Variants in NRN1 observed in about 807,000 individuals in gnomAD.
The protein encoded by NRN1 is neuritin 1, also known as neuritin.
In NRN1, 4 loss-of-function variants were observed where a neutral mutation model predicts 15.0. The observed-to-expected ratio is 0.27, with a 90% CI of 0.13 to 0.61. The LOEUF is 0.61. Among genes scored for constraint, NRN1 ranks in the 20% least tolerant of loss-of-function variants. The pLI is 0.87. For synonymous variants in NRN1, 85 were observed against 79.8 expected (o/e 1.07, Z -0.35); for missense variants, 134 against 181.9 (o/e 0.74, Z 1.51).
chr6:6,000,748 TATGTAC>T (rs1757922753), intron 2 of NRN1, among the ~76,000 whole-genome samples: 1 of 99,102 alleles, frequency 1.0e-5, no homozygotes, highest in Admixed American at 1.1e-4. Context: ...TTTTTTTTTT[TATGTAC>T]GCCCAGATGA....
intron 1 of NRN1, chr6:6,003,320 G>T: frequency 8.8e-7 from 1 of 1,141,332 alleles, no homozygotes; most frequent in Non-Finnish European, 1.1e-6. Flanking sequence ...GGATGAGTCT[G>T]CCTGGGTCAC....
At chr6:6,005,838 G>T (rs572722477) in intron 1 of NRN1, among the ~76,000 whole-genome samples, 1 of 152,226 alleles carries the variant, frequency 6.6e-6, no homozygotes, top group Non-Finnish European at 1.5e-5. Flanking sequence ...CATTCTGGAT[G>T]GTAAAAATGT....
Position 6,002,370 on chromosome 6 carries a change from G to A in NRN1, c.183C>T (p.Asn61=), listed in dbSNP as rs1757974563. ...ACACTTACGTGCACACGGTCTTGAT[G>A]TTCGTCTTGTCGTCCAGGCCCTGCG... is the stretch of plus-strand genomic sequence containing the variant. The part of the protein sequence containing the change: ...NYPQGLDDKT[N]IKTVCTYWED... The change falls in exon 2 of 3, where the codon AAC becomes AAT. Residue 61 remains asparagine (N), a synonymous_variant. Transcript: ENST00000244766. 1.9e-6 allele frequency: 3 copies of A among 1,614,124 alleles called. No individual in the cohort carries two copies. The highest frequency in any genetic ancestry group is 1.3e-5 in the African/African-American group (1 of 74,948).
At chr6:6,002,678 C>T in intron 1 of NRN1, 181 bp from the exon 2 acceptor site, 1 of 758,700 alleles carries the variant, frequency 1.3e-6, no homozygotes. Flanking sequence ...GAATGCCCGA[C>T]CTGCAGCTAA....
At chr6:6,005,594 A>G (rs1758087545) in intron 1 of NRN1, among the ~76,000 whole-genome samples, 1 of 152,188 alleles carries the variant, frequency 6.6e-6, no homozygotes, top group Non-Finnish European at 1.5e-5. Context: ...TCTTGCCCCA[A>G]ACCAATTACC....
chr6:5,999,274 C>T (rs1369250265), intron 2 of NRN1, 70 bp from the exon 3 acceptor site: 1 of 1,368,278 alleles, frequency 7.3e-7, no homozygotes. Flanking sequence ...CGGGCTTGCG[C>T]CCCTGCGCCT....
chr6:6,003,718 C>T, intron 1 of NRN1: 1 of 1,234,306 alleles, frequency 8.1e-7, no homozygotes, highest in Non-Finnish European at 1.0e-6. Context: ...TGCGGGCGCG[C>T]GGCTGTGGCC....
chr6:6,000,754 C>CTTTT (rs1561902807), intron 2 of NRN1, among the ~76,000 whole-genome samples: 6 of 83,730 alleles, frequency 7.2e-5, no homozygotes, highest in East Asian at 3.0e-4. Flanking sequence ...TTTTTATGTA[C>CTTTT]GCCCAGATGA....
At position 6,006,880 on chromosome 6, in the gene NRN1, C is replaced by T. The variant is rs973117275; in HGVS notation, c.-131G>A. ...ACAGAGACTTTATGCACTGGGAAGGCAGAGGGAGGAGAGAAAGAGAGGGAG... is the reference window on the plus strand; with the variant it reads ...ACAGAGACTTTATGCACTGGGAAGGTAGAGGGAGGAGAGAAAGAGAGGGAG... On this transcript the variant is annotated 5_prime_UTR_variant, in exon 1 of 3. Transcript: ENST00000244766. 5 of 623,124 alleles carry T rather than the reference C, an allele frequency of 8.0e-6. No individual in the cohort carries two copies. Among genetic ancestry groups the T allele is most frequent in the South Asian group, 6.4e-5 (4 of 62,034 alleles). 38.6% of individuals were successfully genotyped at this position (623,124 alleles called of 1,614,324 possible).
chr6:5,999,033 C>T lies in NRN1; in HGVS notation c.372G>A (p.Ala124=). 6.2e-7 allele frequency: 1 copy of T among 1,613,718 alleles called. No homozygotes were observed. The highest frequency in any genetic ancestry group is 8.5e-7 in the Non-Finnish European group (1 of 1,179,880). Residue 124 remains alanine, a synonymous_variant, in exon 3 of 3, where the codon GCG becomes GCA. Transcript: ENST00000244766. The part of the protein sequence containing the change: ...GNGAAGSLLP[A]FPVLLVSLSA... ...AGAGAGACACCAGGAGCACCGGGAA[C>T]GCCGGGAGCAGGGACCCCGCCGCCC...
At chr6:6,005,123 C>T (rs575415138) in intron 1 of NRN1, among the ~76,000 whole-genome samples, 1 of 152,238 alleles carries the variant, frequency 6.6e-6, no homozygotes, top group South Asian at 2.1e-4. Flanking sequence ...GCACGACCAC[C>T]GTCTTTTTTT....
chr6:6,006,020 C>T (rs991544167), intron 1 of NRN1, among the ~76,000 whole-genome samples: 1 of 152,210 alleles, frequency 6.6e-6, no homozygotes, highest in Non-Finnish European at 1.5e-5. Flanking sequence ...AATGCAGACA[C>T]CAATGTGTAA....
chr6:6,005,888 A>G (rs1244591042), intron 1 of NRN1, among the ~76,000 whole-genome samples: 4 of 152,188 alleles, frequency 2.6e-5, no homozygotes, highest in Non-Finnish European at 2.9e-5. Context: ...CTACAACTCA[A>G]CATTCCTTAA....
chr6:5,998,830 G>A lies in NRN1; in HGVS notation c.*146C>T. On this transcript the variant is annotated 3_prime_UTR_variant, in exon 3 of 3. Coordinates refer to ENST00000244766, the MANE Select transcript of NRN1 (RefSeq NM_016588.3). ...AAGAAATCAAACGAAATAAAAAAGA[G>A]AATCAGGATTTCCCACAATCCTATA... The A allele has an allele frequency of 1.6e-6, 1 of 632,706 alleles. No homozygotes were observed. The highest frequency in any genetic ancestry group is 2.7e-6 in the Non-Finnish European group (1 of 367,246). The allele number at this position is 632,706 out of a possible 1,614,324, so 39.2% of individuals were successfully genotyped here.
intron 1 of NRN1, chr6:6,003,053 G>T (rs1197134462): frequency 1.9e-5 from 11 of 575,682 alleles, no homozygotes; most frequent in Non-Finnish European, 2.8e-5. Context: ...CAGGCTTGGC[G>T]CTCTGTCCTT....
chr6:6,005,883 A>C (rs1437857992), intron 1 of NRN1, among the ~76,000 whole-genome samples: 4 of 152,150 alleles, frequency 2.6e-5, no homozygotes, highest in Non-Finnish European at 2.9e-5. Context: ...CGTAACTACA[A>C]CTCAACATTC....
chr6:6,000,079 G>T (rs1757899107), intron 2 of NRN1, among the ~76,000 whole-genome samples: 2 of 152,198 alleles, frequency 1.3e-5, no homozygotes, highest in Admixed American at 6.5e-5. Flanking sequence ...GTGGGCTTGG[G>T]CCCCATGGGG....
chr6:6,003,836 G>A, intron 1 of NRN1: 2 of 1,233,418 alleles, frequency 1.6e-6, no homozygotes, highest in Non-Finnish European at 2.0e-6. Flanking sequence ...CGTTAGGGCG[G>A]GGAAGAAAGG....
intron 1 of NRN1, 100 bp downstream of exon 1, chr6:6,006,595 C>A: frequency 1.8e-6 from 2 of 1,138,984 alleles, no homozygotes; most frequent in East Asian, 2.3e-5. Context: ...CTTCTCCGCA[C>A]CCTGGGGCGG....
Sources: allele counts gnomAD v4.1 joint callset (sites outside exome capture counted in the v4.1 genomes callset), GRCh38; gene constraint gnomAD v4.1.1; transcripts MANE v1.5; gene names NCBI Gene and HGNC (gene_info 2026-07-23, HGNC 2026-07-21).